The following DIP2B variants were observed in gnomAD, a reference collection of about 807,000 sequenced individuals.
DIP2B encodes the protein disco-interacting protein 2 homolog B.
Under a neutral mutation model 198.0 loss-of-function variants are expected in DIP2B, and 76 were observed. That is an observed-to-expected ratio of 0.38 (90% confidence interval 0.32 to 0.46). DIP2B has a LOEUF of 0.46. Ranked by LOEUF, DIP2B falls within the 20% of genes least tolerant of loss-of-function variation. The probability of loss-of-function intolerance (pLI) is 0.99; values close to 1 mark genes in which losing one functional copy is unlikely to be tolerated. For synonymous variants in DIP2B, 701 were observed against 739.1 expected, an observed-to-expected ratio of 0.95 and a Z score of 0.84; for missense variants, 1,559 against 1,978.4, an observed-to-expected ratio of 0.79 and a Z score of 4.02.
At chr12:50,560,514 G>A (rs1410696594) in intron 1 of DIP2B, among the ~76,000 whole-genome samples, 1 of 152,160 alleles carries the variant, frequency 6.6e-6, no homozygotes, top group Non-Finnish European at 1.5e-5. Context: ...GTTACAGTGA[G>A]CTGAATTCAC....
rs1463057264 is a variant in DIP2B at position 50,674,571 on chromosome 12, G to A, written c.738G>A (p.Gly246=). The change falls in exon 6 of 38, where the codon GGG becomes GGA. Residue 246 remains glycine (G), a synonymous_variant. Coordinates refer to ENST00000301180, the MANE Select transcript of DIP2B (RefSeq NM_173602.3). ...CAAACATTGACCTGCCCCCCTCGGG[G>A]ATAGTTAAAGGCATGCACAAAGGAT... ...RPANIDLPPS[G]IVKGMHKGSN... 1 of 1,614,158 alleles carries A rather than the reference G, an allele frequency of 6.2e-7. No individual in the cohort carries two copies. Among genetic ancestry groups the A allele is most frequent in the East Asian group, 2.2e-5 (1 of 44,880 alleles).
At chr12:50,574,343 A>C (rs1359953447) in intron 1 of DIP2B, among the ~76,000 whole-genome samples, 1 of 152,212 alleles carries the variant, frequency 6.6e-6, no homozygotes, top group Non-Finnish European at 1.5e-5. Context: ...AACTATTAGC[A>C]GATGAGGGCC....
At chr12:50,624,964 C>T (rs924300676) in intron 1 of DIP2B, among the ~76,000 whole-genome samples, 1 of 152,188 alleles carries the variant, frequency 6.6e-6, no homozygotes, top group African/African-American at 2.4e-5. Flanking sequence ...AAATTTGTAT[C>T]CGTCAGACAT....
intron 1 of DIP2B, among the ~76,000 whole-genome samples, chr12:50,621,915 G>A (rs1388232516): frequency 6.6e-6 from 1 of 152,208 alleles, no homozygotes; most frequent in Non-Finnish European, 1.5e-5. Flanking sequence ...AGACTGTCTT[G>A]ATTGACCTCT....
intron 1 of DIP2B, among the ~76,000 whole-genome samples, chr12:50,591,063 C>T (rs955776816): frequency 3.3e-5 from 5 of 152,312 alleles, no homozygotes; most frequent in African/African-American, 1.2e-4. Context: ...TTTGAAAACT[C>T]AGCAAGAGGG....
chr12:50,582,841 C>T (rs756940575), intron 1 of DIP2B, among the ~76,000 whole-genome samples: 4 of 152,140 alleles, frequency 2.6e-5, no homozygotes, highest in Admixed American at 6.5e-5. Context: ...ATGGTATGCA[C>T]ATTTTTTTCT....
intron 1 of DIP2B, among the ~76,000 whole-genome samples, chr12:50,528,798 G>A (rs993002799): frequency 3.3e-5 from 5 of 152,218 alleles, no homozygotes; most frequent in African/African-American, 4.8e-5. Context: ...GAAATCTAGA[G>A]AAGGGATGTC....
In DIP2B at chr12:50,691,169, G is replaced by T; in HGVS notation, c.1654+18G>T. ...TTCTGAAGGTCAGACCTCATCCCAT[G>T]ACTGCCCTCATTGTTACCTTCAGAG... On this transcript the variant is annotated intron_variant, in intron 13 of 37. Coordinates refer to ENST00000301180, the MANE Select transcript of DIP2B (RefSeq NM_173602.3). 1 of 1,607,714 alleles carries T rather than the reference G, an allele frequency of 6.2e-7. No homozygotes were observed. The highest frequency in any genetic ancestry group is 1.1e-5 in the South Asian group (1 of 90,788).
chr12:50,519,705 CT>C (rs1212679616), intron 1 of DIP2B, among the ~76,000 whole-genome samples: 1 of 151,742 alleles, frequency 6.6e-6, no homozygotes, highest in Non-Finnish European at 1.5e-5. Flanking sequence ...AGTTTTTAGT[CT>C]TTTTTCCCCC....
chr12:50,690,361 C>A (rs955514204), intron 12 of DIP2B, among the ~76,000 whole-genome samples: 1 of 152,190 alleles, frequency 6.6e-6, no homozygotes, highest in African/African-American at 2.4e-5. Flanking sequence ...TCTGGGATTA[C>A]AGGCGTGAGC....
chr12:50,645,459 C>CTTT (rs11454537), intron 3 of DIP2B, among the ~76,000 whole-genome samples: 5 of 138,038 alleles, frequency 3.6e-5, no homozygotes, highest in African/African-American at 5.3e-5. Flanking sequence ...GTACAAAATC[C>CTTT]TTTTTTTTTT....
Position 50,718,738 on chromosome 12 carries a change from A to T in DIP2B, c.2881A>T (p.Asn961Tyr). The change falls in exon 24 of 38, where the codon AAT becomes TAT. Residue 961 changes from asparagine (N) to tyrosine (Y), a missense_variant. Coordinates refer to ENST00000301180, the MANE Select transcript of DIP2B (RefSeq NM_173602.3). The part of the protein sequence containing the change: ...GVGPASVMVG[N>Y]LVAGKRIAQA... ...AGGCCCTGCTTCCGTGATGGTTGGG[A>T]ATCTGGTTGCTGGAAAACGTATAGC... The T allele has an allele frequency of 6.2e-7, 1 of 1,614,146 alleles. No individual in the cohort carries two copies. Among genetic ancestry groups the T allele is most frequent in the Non-Finnish European group, 8.5e-7 (1 of 1,180,020 alleles).
intron 1 of DIP2B, among the ~76,000 whole-genome samples, chr12:50,591,311 A>T (rs1205678312): frequency 1.3e-5 from 2 of 152,124 alleles, no homozygotes; most frequent in Non-Finnish European, 2.9e-5. Context: ...ACCTGAAGTT[A>T]TTCTAGCCTT....
intron 19 of DIP2B, among the ~76,000 whole-genome samples, chr12:50,701,645 A>G (rs1015515377): frequency 2.2e-4 from 33 of 151,902 alleles, no homozygotes; most frequent in African/African-American, 7.5e-4. Flanking sequence ...CGGCGTCCCA[A>G]AGTGCTGGGA....
At chr12:50,603,782 G>A (rs1285295249) in intron 1 of DIP2B, among the ~76,000 whole-genome samples, 1 of 152,138 alleles carries the variant, frequency 6.6e-6, no homozygotes, top group Non-Finnish European at 1.5e-5. Flanking sequence ...GAAGGGAGAG[G>A]TATGACTTGG....
chr12:50,728,572 C>G lies in DIP2B; in HGVS notation c.3535C>G (p.Leu1179Val), dbSNP rs186582875. ...GATGTCCCACTCTGCAGTGAACGCT[C>G]TGTGTCGAGCCATCAAGCTCCAGTG... ...VKMSHSAVNA[L>V]CRAIKLQCEL... The change falls in exon 30 of 38, where the codon CTG becomes GTG. Residue 1179 changes from leucine (L) to valine (V), a missense_variant. Transcript: ENST00000301180. The G allele has an allele frequency of 5.6e-6, 9 of 1,614,116 alleles. No individual in the cohort carries two copies. Among genetic ancestry groups the G allele is most frequent in the East Asian group, 2.2e-5 (1 of 44,868 alleles).
rs527464151 is a variant in DIP2B at position 50,505,162 on chromosome 12, C to G, written c.22C>G (p.Pro8Ala). Residue 8 changes from proline (P) to alanine (A), a missense_variant, in exon 1 of 38, where the codon CCG becomes GCG. Pro to Ala is a conservative substitution (Grantham distance 27). Transcript: ENST00000301180. MAERGLE[P>A]SPAAVAALPP... is the part of the protein sequence containing the mutation. ...TGGGATGGCGGAACGAGGCCTGGAG[C>G]CGTCGCCGGCCGCGGTGGCGGCGCT... The G allele has an allele frequency of 4.5e-5, 69 of 1,526,838 alleles. No individual in the cohort carries two copies. Among genetic ancestry groups the G allele is most frequent in the Admixed American group, 5.9e-5 (3 of 50,606 alleles). The allele number at this position is 1,526,838 out of a possible 1,614,324, so 94.6% of individuals were successfully genotyped here.
intron 3 of DIP2B, among the ~76,000 whole-genome samples, chr12:50,652,217 G>A (rs1487863738): frequency 6.6e-6 from 1 of 151,894 alleles, no homozygotes; most frequent in Non-Finnish European, 1.5e-5. Context: ...GGAGGCTGAG[G>A]CAAGAGAATC....
At chr12:50,656,107 G>A (rs992555775) in intron 3 of DIP2B, among the ~76,000 whole-genome samples, 6 of 152,152 alleles carry the variant, frequency 3.9e-5, no homozygotes, top group African/African-American at 1.4e-4. Flanking sequence ...GGGAAAATTA[G>A]AATGATATTG....
Sources: gnomAD v4.1 joint callset for allele counts (sites outside exome capture counted in the v4.1 genomes callset) on GRCh38, gnomAD v4.1.1 for gene constraint, MANE v1.5 for transcripts, NCBI Gene and HGNC (gene_info 2026-07-23, HGNC 2026-07-21) for gene names.